The following MDGA2 variants were observed in gnomAD, a reference collection of about 807,000 sequenced individuals.
MDGA2 encodes MAM domain containing glycosylphosphatidylinositol anchor 2, also known as MAM domain-containing glycosylphosphatidylinositol anchor protein 2.
Under a neutral mutation model 117.8 loss-of-function variants are expected in MDGA2, and 40 were observed. The ratio of observed to expected loss-of-function variants is 0.34; its 90% CI spans 0.26 to 0.44. The LOEUF (loss-of-function observed/expected upper bound fraction) is 0.44, where lower values mean the gene tolerates loss of function less well. MDGA2 is among the 20% of genes least tolerant of loss of function. The probability of loss-of-function intolerance (pLI) is 1.00; values close to 1 mark genes in which losing one functional copy is unlikely to be tolerated. For synonymous variants in MDGA2, 452 were observed against 439.0 expected (o/e 1.03, Z -0.37); for missense variants, 1,123 against 1,250.6 (o/e 0.90, Z 1.54).
At chr14:47,118,063 G>A (rs1000636353) in intron 5 of MDGA2, among the ~76,000 whole-genome samples, 11 of 152,110 alleles carry the variant, frequency 7.2e-5, no homozygotes, top group African/African-American at 2.7e-4. Flanking sequence ...TGAATAAAAT[G>A]ACAATTTTAA....
chr14:47,229,446 C>T (rs911880908), intron 2 of MDGA2, among the ~76,000 whole-genome samples: 6 of 151,928 alleles, frequency 3.9e-5, no homozygotes, highest in African/African-American at 1.4e-4. Context: ...GTTATTATTT[C>T]TAAATTCAGA....
At chr14:47,178,364 G>GT (rs1884562196) in intron 3 of MDGA2, among the ~76,000 whole-genome samples, 1 of 152,114 alleles carries the variant, frequency 6.6e-6, no homozygotes, top group East Asian at 1.9e-4. Context: ...TGACATCAGT[G>GT]TTTTTTCCCT....
At chr14:47,028,408 A>C (rs1407012889) in intron 8 of MDGA2, among the ~76,000 whole-genome samples, 17 of 152,216 alleles carry the variant, frequency 1.1e-4, no homozygotes, top group Non-Finnish European at 1.2e-4. Flanking sequence ...TACAACCATT[A>C]GAATTATTTC....
intron 1 of MDGA2, among the ~76,000 whole-genome samples, chr14:47,304,609 A>G (rs1889383642): frequency 6.6e-6 from 1 of 152,154 alleles, no homozygotes; most frequent in African/African-American, 2.4e-5. Flanking sequence ...CAAATCCATG[A>G]CATTTCACAA....
intron 1 of MDGA2, among the ~76,000 whole-genome samples, chr14:47,504,682 G>GA (rs1000961142): frequency 6.6e-6 from 1 of 151,584 alleles, no homozygotes; most frequent in Non-Finnish European, 1.5e-5. Flanking sequence ...ATAAAAAAAA[G>GA]AAAAAAAATG....
At chr14:47,453,116 T>A (rs1350545064) in intron 1 of MDGA2, among the ~76,000 whole-genome samples, 1 of 152,064 alleles carries the variant, frequency 6.6e-6, no homozygotes, top group African/African-American at 2.4e-5. Flanking sequence ...GGCTCTGTAA[T>A]AATATTATAA....
intron 10 of MDGA2, among the ~76,000 whole-genome samples, chr14:46,886,703 A>G (rs1882689661): frequency 6.6e-6 from 1 of 152,012 alleles, no homozygotes; most frequent in Non-Finnish European, 1.5e-5. Flanking sequence ...AGAGAATTAG[A>G]GAATAAGAGA....
At chr14:47,483,192 A>G (rs1169893512) in intron 1 of MDGA2, among the ~76,000 whole-genome samples, 5 of 152,116 alleles carry the variant, frequency 3.3e-5, no homozygotes, top group African/African-American at 1.2e-4. Context: ...ATTCCAAAAC[A>G]TTTAATATCT....
intron 5 of MDGA2, among the ~76,000 whole-genome samples, chr14:47,109,098 A>G (rs943880267): frequency 2.6e-5 from 4 of 152,202 alleles, no homozygotes; most frequent in Admixed American, 6.5e-5. Flanking sequence ...CCAGAGGGTC[A>G]GCTCCCATAG....
chr14:46,943,008 A>G (rs1885052741), intron 9 of MDGA2, among the ~76,000 whole-genome samples: 1 of 152,052 alleles, frequency 6.6e-6, no homozygotes, highest in Admixed American at 6.6e-5. Flanking sequence ...ATCTTGAACT[A>G]TAATTATGGA....
At chr14:46,863,220 G>C (rs1881583300) in intron 14 of MDGA2, among the ~76,000 whole-genome samples, 1 of 151,940 alleles carries the variant, frequency 6.6e-6, no homozygotes, top group African/African-American at 2.4e-5. Flanking sequence ...CTCTTCCATA[G>C]ACACTTTTAT....
chr14:47,153,914 C>CT (rs1240496380), intron 3 of MDGA2, among the ~76,000 whole-genome samples: 1 of 152,126 alleles, frequency 6.6e-6, no homozygotes, highest in Non-Finnish European at 1.5e-5. Flanking sequence ...TAATAGATCA[C>CT]TGGGGACCTT....
At chr14:47,593,719 C>T (rs1896484938) in intron 1 of MDGA2, among the ~76,000 whole-genome samples, 1 of 151,874 alleles carries the variant, frequency 6.6e-6, no homozygotes, top group Admixed American at 6.6e-5. Context: ...CACACTAGGG[C>T]CTGTTGGGGG....
In MDGA2 at chr14:47,437,740, A is replaced by G. The variant is rs531513659; in HGVS notation, c.281-136190T>C. Among the ~76,000 whole-genome samples the G allele has an allele frequency of 5.8e-4, 89 of 152,186 alleles. 1 individual carries two copies. The highest frequency in any genetic ancestry group is 1.1e-3 in the Non-Finnish European group (75 of 68,028). On this transcript the variant is annotated intron_variant, in intron 1 of 16. Coordinates refer to ENST00000399232, the MANE Select transcript of MDGA2 (RefSeq NM_001113498.3). ...ATTTCATCTGCAGCTGATCATTTAA[A>G]TTAAACAAACAAGCACAGCTGGAAA...
chr14:47,519,205 AAAAAC>A (rs1193494099), intron 1 of MDGA2, among the ~76,000 whole-genome samples: 1 of 152,192 alleles, frequency 6.6e-6, no homozygotes, highest in Non-Finnish European at 1.5e-5. Flanking sequence ...ACTCAGTCTC[AAAAAC>A]AAAACAAAAC....
At chr14:47,107,117 A>G (rs1369369789) in intron 5 of MDGA2, among the ~76,000 whole-genome samples, 1 of 148,124 alleles carries the variant, frequency 6.8e-6, no homozygotes, top group African/African-American at 2.5e-5. Flanking sequence ...GCGACCGATC[A>G]TGCACCCCTT....
At chr14:47,522,355 G>GTA (rs1408463346) in intron 1 of MDGA2, among the ~76,000 whole-genome samples, 1 of 117,398 alleles carries the variant, frequency 8.5e-6, no homozygotes, top group Non-Finnish European at 2.0e-5. Context: ...GTATATATAT[G>GTA]TATATATGTG....
intron 1 of MDGA2, among the ~76,000 whole-genome samples, chr14:47,612,913 A>G (rs1421430681): frequency 6.6e-6 from 1 of 152,186 alleles, no homozygotes; most frequent in Non-Finnish European, 1.5e-5. Context: ...GTTTATTAGC[A>G]GGACCTAATA....
intron 14 of MDGA2, among the ~76,000 whole-genome samples, chr14:46,859,698 T>C (rs1338902139): frequency 6.6e-6 from 1 of 152,190 alleles, no homozygotes; most frequent in Non-Finnish European, 1.5e-5. Flanking sequence ...CCCATTTTTA[T>C]GCTTGTTTAG....
Sources: allele counts gnomAD v4.1 joint callset (sites outside exome capture counted in the v4.1 genomes callset), GRCh38; gene constraint gnomAD v4.1.1; transcripts MANE v1.5; gene names NCBI Gene and HGNC (gene_info 2026-07-23, HGNC 2026-07-21).